The following SDK2 variants were observed in gnomAD, a reference collection of about 807,000 sequenced individuals.
SDK2 encodes sidekick cell adhesion molecule 2.
SDK2 carries 105 observed loss-of-function variants against 253.9 expected under a neutral mutation model. The ratio of observed to expected loss-of-function variants is 0.41; its 90% CI spans 0.35 to 0.49. The LOEUF (loss-of-function observed/expected upper bound fraction) is 0.49. Among genes scored for constraint, SDK2 ranks in the 20% least tolerant of loss-of-function variants. The probability of loss-of-function intolerance (pLI) is 0.06; values close to 1 mark genes in which losing one functional copy is unlikely to be tolerated. For synonymous variants in SDK2, 1,249 were observed against 1,234.9 expected, an observed-to-expected ratio of 1.01 and a Z score of -0.24; for missense variants, 2,608 against 3,003.0, an observed-to-expected ratio of 0.87 and a Z score of 3.07.
At chr17:73,359,943 G>A (rs1422620533) in intron 39 of SDK2, among the ~76,000 whole-genome samples, 2 of 152,122 alleles carry the variant, frequency 1.3e-5, no homozygotes, top group African/African-American at 4.8e-5. Flanking sequence ...CACCCGGCTG[G>A]TTCTTTCTTT....
At chr17:73,513,316 C>T (rs150799889) in intron 1 of SDK2, among the ~76,000 whole-genome samples, 201 of 152,220 alleles carry the variant, frequency 1.3e-3, no homozygotes, top group African/African-American at 4.4e-3. Flanking sequence ...ATATGAAGTT[C>T]GCAGAAGAGA....
rs779252529 is a variant in SDK2 at position 73,419,286 on chromosome 17, G to A, written c.2066C>T (p.Pro689Leu). ...DTERVSLPEE[P>L]PTAPPQNVIA... ...GACGTTCTGTGGAGGGGCCGTGGGG[G>A]GCTCCTCGGGGAGGGAGACCCTGGA... Residue 689 changes from proline to leucine, a missense_variant, in exon 16 of 45, where the codon CCC (proline) becomes CTC (leucine). By Grantham distance (98) the Pro-to-Leu change is moderately conservative. Transcript: ENST00000392650. The A allele has an allele frequency of 6.2e-7, 1 of 1,612,678 alleles. No homozygotes were observed. Among genetic ancestry groups the A allele is most frequent in the East Asian group, 2.2e-5 (1 of 44,850 alleles).
At chr17:73,385,487 C>T (rs1599508001) in intron 32 of SDK2, among the ~76,000 whole-genome samples, 1 of 152,140 alleles carries the variant, frequency 6.6e-6, no homozygotes, top group African/African-American at 2.4e-5. Context: ...AGCCCAAGGA[C>T]TCAGCAGGCC....
intron 1 of SDK2, among the ~76,000 whole-genome samples, chr17:73,538,359 C>T (rs1023894530): frequency 1.3e-5 from 2 of 152,132 alleles, no homozygotes; most frequent in African/African-American, 4.8e-5. Flanking sequence ...TTGGACTCCC[C>T]TTACCAGCTT....
rs1467270403 is a variant in SDK2 at position 73,465,870 on chromosome 17, G to A, written c.331+6242C>T. 6.6e-6 allele frequency among the ~76,000 whole-genome samples: 1 copy of A among 152,150 alleles called. No homozygotes were observed. Among genetic ancestry groups the A allele is most frequent in the Non-Finnish European group, 1.5e-5 (1 of 68,030 alleles). On this transcript the variant is annotated intron_variant, in intron 3 of 44. Transcript: ENST00000392650. The surrounding 1 kb of genome is among the most constrained non-coding windows in gnomAD (Gnocchi z 4.2). ...ACCCCAGGAGACAGGAACAGCCAAG[G>A]AGGGGAGGGGCATTTGGGAAAAGTG... is the stretch of plus-strand genomic sequence containing the variant.
intron 2 of SDK2, among the ~76,000 whole-genome samples, chr17:73,499,480 TG>T (rs2063868699): frequency 6.6e-6 from 1 of 152,200 alleles, no homozygotes; most frequent in South Asian, 2.1e-4. Context: ...CTTCTCCACA[TG>T]GGCCAGGGGT....
Position 73,467,898 on chromosome 17 carries a change from G to A in SDK2, c.331+4214C>T, listed in dbSNP as rs772774439. ...TCAGGGAGCTGCAGCTGGTGGACAG[G>A]GGGAGGTTAACCTGGGTCTCTCTCT... On this transcript the variant is annotated intron_variant, in intron 3 of 44. Transcript: ENST00000392650. The surrounding 1 kb of genome is among the most constrained non-coding windows in gnomAD (Gnocchi z 4.1). 1.9e-4 allele frequency among the ~76,000 whole-genome samples: 29 copies of A among 152,298 alleles called. No homozygotes were observed. Among genetic ancestry groups the A allele is most frequent in the Admixed American group, 8.5e-4 (13 of 15,296 alleles).
chr17:73,627,327 T>C (rs964093865), intron 1 of SDK2, among the ~76,000 whole-genome samples: 5 of 152,140 alleles, frequency 3.3e-5, no homozygotes, highest in Admixed American at 1.3e-4. Context: ...TGGCGGCACA[T>C]AAAATAACAT....
At chr17:73,382,961 G>A (rs989646675) in intron 33 of SDK2, among the ~76,000 whole-genome samples, 8 of 152,184 alleles carry the variant, frequency 5.3e-5, no homozygotes, top group Non-Finnish European at 1.2e-4. Flanking sequence ...CCCAGGAAGC[G>A]GAGGTTGCAG....
intron 1 of SDK2, chr17:73,517,464 G>A (rs1372631716): frequency 6.6e-6 from 1 of 152,226 alleles, no homozygotes; most frequent in Non-Finnish European, 1.5e-5. Context: ...TAAAGACAGA[G>A]GCAGGGACTG....
At chr17:73,619,224 A>G (rs1442135026) in intron 1 of SDK2, among the ~76,000 whole-genome samples, 6 of 151,832 alleles carry the variant, frequency 4.0e-5, no homozygotes, top group Non-Finnish European at 5.9e-5. Context: ...CAAAGTGGGC[A>G]GACACCGGAG....
chr17:73,423,826 G>T, intron 13 of SDK2, 90 bp downstream of exon 13: 1 of 1,045,038 alleles, frequency 9.6e-7, no homozygotes, highest in Non-Finnish European at 1.3e-6. Flanking sequence ...GTGGCCTGGG[G>T]ATCTGAAAAA....
At chr17:73,412,037 T>TACAC (rs1568389265) in intron 18 of SDK2, among the ~76,000 whole-genome samples, 16 of 4,372 alleles carry the variant, frequency 3.7e-3, no homozygotes, top group Non-Finnish European at 0.011. Flanking sequence ...TATATATACG[T>TACAC]ATATATATGT....
At chr17:73,444,612 A>G (rs578128933) in intron 5 of SDK2, among the ~76,000 whole-genome samples, 1 of 152,268 alleles carries the variant, frequency 6.6e-6, no homozygotes, top group East Asian at 1.9e-4. Context: ...GAATCCTCCC[A>G]TTTTTGCCAT....
intron 3 of SDK2, among the ~76,000 whole-genome samples, chr17:73,457,753 T>C (rs2063538833): frequency 6.6e-6 from 1 of 152,060 alleles, no homozygotes; most frequent in African/African-American, 2.4e-5. Context: ...TGTTTCCCCA[T>C]TGCCTAGCAG....
chr17:73,495,670 A>G (rs58478378), intron 2 of SDK2, among the ~76,000 whole-genome samples: 38,509 of 151,054 alleles, frequency 0.25, 5,209 homozygotes, highest in African/African-American at 0.33. Context: ...GTGTGTGTGC[A>G]TGCGTGCTAT....
intron 1 of SDK2, among the ~76,000 whole-genome samples, chr17:73,552,100 T>TAGATTTA (rs2045070038): frequency 6.6e-6 from 1 of 150,610 alleles, no homozygotes; most frequent in African/African-American, 2.5e-5. Context: ...CTGTCCCCCC[T>TAGATTTA]GTCTGGGGCC....
chr17:73,439,796 G>A (rs1786115052), intron 6 of SDK2, among the ~76,000 whole-genome samples: 1 of 152,218 alleles, frequency 6.6e-6, no homozygotes, highest in South Asian at 2.1e-4. Flanking sequence ...GCGGCAGTGA[G>A]TACAGGCCTG....
intron 1 of SDK2, among the ~76,000 whole-genome samples, chr17:73,566,218 A>C (rs986412918): frequency 4.6e-5 from 7 of 152,206 alleles, no homozygotes; most frequent in Admixed American, 4.6e-4. Context: ...AACTTCTGGC[A>C]TGAGTGGAAG....
Sources: allele counts gnomAD v4.1 joint callset (sites outside exome capture counted in the v4.1 genomes callset), GRCh38; gene constraint gnomAD v4.1.1; non-coding constraint Gnocchi (gnomAD v3.1); transcripts MANE v1.5; gene names NCBI Gene and HGNC (gene_info 2026-07-23, HGNC 2026-07-21).